The following CCSER2 variants were observed in gnomAD, a reference collection of about 807,000 sequenced individuals.
CCSER2 encodes serine-rich coiled-coil domain-containing protein 2.
Under a neutral mutation model 92.3 loss-of-function variants are expected in CCSER2, and 46 were observed. The ratio of observed to expected loss-of-function variants is 0.50; its 90% CI spans 0.39 to 0.64. The LOEUF (loss-of-function observed/expected upper bound fraction) is 0.64, where lower values mean the gene tolerates loss of function less well. Ranked by LOEUF, CCSER2 falls within the 30% of genes least tolerant of loss-of-function variation. The pLI is 0.00. For missense variants in CCSER2, 1,244 were observed against 1,238.9 expected (o/e 1.00, Z -0.06); for synonymous variants, 433 against 431.4 (o/e 1.00, Z -0.04).
intron 1 of CCSER2, among the ~76,000 whole-genome samples, chr10:84,350,175 A>G (rs1844782581): frequency 6.6e-6 from 1 of 152,186 alleles, no homozygotes; most frequent in African/African-American, 2.4e-5. Context: ...AATAACAAAA[A>G]GTACATCAGA....
At chr10:84,456,589 C>A (rs747081150) in intron 6 of CCSER2, among the ~76,000 whole-genome samples, 1 of 152,078 alleles carries the variant, frequency 6.6e-6, no homozygotes, top group African/African-American at 2.4e-5. Flanking sequence ...TTATTTCTCT[C>A]GGGTAAATAC....
chr10:84,338,657 A>T (rs1249074771), intron 1 of CCSER2, among the ~76,000 whole-genome samples: 2 of 152,212 alleles, frequency 1.3e-5, no homozygotes, highest in East Asian at 3.8e-4. Flanking sequence ...TTGTTATGGT[A>T]GTTTTACCTT....
chr10:84,441,733 AATGTTTT>A (rs1564667352), intron 6 of CCSER2, among the ~76,000 whole-genome samples: 24 of 115,918 alleles, frequency 2.1e-4, no homozygotes, highest in South Asian at 3.1e-4. Flanking sequence ...AGACTGGGAA[AATGTTTT>A]TTTTTTTTTT....
intron 3 of CCSER2, among the ~76,000 whole-genome samples, chr10:84,383,183 G>A (rs1180325260): frequency 6.6e-6 from 1 of 152,136 alleles, no homozygotes; most frequent in Non-Finnish European, 1.5e-5. Context: ...GCCTTACTTG[G>A]TTTTGAGTTT....
chr10:84,474,593 C>A (rs574581184), intron 8 of CCSER2, among the ~76,000 whole-genome samples: 1 of 144,836 alleles, frequency 6.9e-6, no homozygotes, highest in Non-Finnish European at 1.5e-5. Flanking sequence ...CCCGTGAGGC[C>A]GAGGTTGCAG....
intron 9 of CCSER2, chr10:84,499,795 AAAAC>A (rs1485414443): frequency 1.3e-5 from 18 of 1,408,254 alleles, no homozygotes; most frequent in Admixed American, 1.8e-5. Context: ...ATTTAAAAGT[AAAAC>A]AAAGTATGAC....
chr10:84,356,609 TAG>T (rs1476527029), intron 1 of CCSER2, among the ~76,000 whole-genome samples: 1 of 152,166 alleles, frequency 6.6e-6, no homozygotes, highest in African/African-American at 2.4e-5. Context: ...TGGATATGCG[TAG>T]AGATTGAGAT....
chr10:84,416,114 A>G (rs1842876461), intron 3 of CCSER2, among the ~76,000 whole-genome samples: 1 of 152,180 alleles, frequency 6.6e-6, no homozygotes, highest in African/African-American at 2.4e-5. Context: ...TCTGGTTGCA[A>G]AGACCTGTGG....
chr10:84,449,120 A>G (rs1445816339), intron 6 of CCSER2, among the ~76,000 whole-genome samples: 1 of 152,214 alleles, frequency 6.6e-6, no homozygotes, highest in Non-Finnish European at 1.5e-5. Flanking sequence ...CATGCCTGTA[A>G]TCCCAGCAAT....
At chr10:84,360,469 A>G (rs1044672380) in intron 1 of CCSER2, among the ~76,000 whole-genome samples, 1 of 152,228 alleles carries the variant, frequency 6.6e-6, no homozygotes, top group Non-Finnish European at 1.5e-5. Context: ...TTTACTATTT[A>G]TAGGAGTAGA....
rs562775322 is a variant in CCSER2 at position 84,453,739 on chromosome 10, G to C, written c.2065-10194G>C. 1.2e-4 allele frequency among the ~76,000 whole-genome samples: 18 copies of C among 151,922 alleles called. No homozygotes were observed. In the East Asian group the frequency reaches 3.3e-3, roughly 28 times the overall value. On this transcript the variant is annotated intron_variant, in intron 6 of 9. Transcript: ENST00000372088. ...CCTTTTAATGCTGTCCATTTTTGTT[G>C]TAGTATTTTCAGGCTATTGTATCAG...
chr10:84,446,546 G>A (rs558460495), intron 6 of CCSER2, among the ~76,000 whole-genome samples: 3 of 152,218 alleles, frequency 2.0e-5, no homozygotes, highest in South Asian at 4.2e-4. Flanking sequence ...AAGAGCCAGA[G>A]CATGCCTGTT....
intron 3 of CCSER2, among the ~76,000 whole-genome samples, chr10:84,378,415 T>C (rs964373817): frequency 1.3e-5 from 2 of 150,528 alleles, no homozygotes; most frequent in African/African-American, 4.8e-5. Flanking sequence ...TATTTTAAAA[T>C]TATTTTTTAA....
At chr10:84,396,479 G>A (rs1269004802) in intron 3 of CCSER2, among the ~76,000 whole-genome samples, 2 of 151,416 alleles carry the variant, frequency 1.3e-5, no homozygotes, top group African/African-American at 4.9e-5. Flanking sequence ...TCCTTTCAGC[G>A]TGATTGTATT....
intron 6 of CCSER2, among the ~76,000 whole-genome samples, chr10:84,439,781 A>G (rs998757279): frequency 6.6e-6 from 1 of 152,238 alleles, no homozygotes; most frequent in African/African-American, 2.4e-5. Context: ...TGAGGCAGAA[A>G]TAAATTATAT....
chr10:84,436,159 C>T (rs1252882980), intron 5 of CCSER2, among the ~76,000 whole-genome samples: 1 of 149,518 alleles, frequency 6.7e-6, no homozygotes, highest in South Asian at 2.1e-4. Flanking sequence ...ACCCCCGTCT[C>T]TACTAAAAAT....
chr10:84,506,469 T>C (rs1303238610), intron 9 of CCSER2, among the ~76,000 whole-genome samples: 1 of 152,164 alleles, frequency 6.6e-6, no homozygotes, highest in Non-Finnish European at 1.5e-5. Context: ...CAGGTTAAGA[T>C]CAGATTATAC....
chr10:84,424,333 T>C (rs957968672), intron 4 of CCSER2, among the ~76,000 whole-genome samples: 26 of 150,786 alleles, frequency 1.7e-4, no homozygotes, highest in African/African-American at 5.8e-4. Flanking sequence ...CAAATTGAAA[T>C]AAGTTCAAAT....
rs11201063 is a variant in CCSER2 at position 84,489,391 on chromosome 10, C to G, written c.2325+11727C>G. Among the ~76,000 whole-genome samples the G allele has an allele frequency of 2.0e-5, 3 of 152,170 alleles. No homozygotes were observed. The South Asian group carries it at 6.2e-4, about 32-fold the overall frequency. ...GGAGTCAGAGTCTCTTTCTAGGTCTCTAAGGACTTGCTTTATGAATCTGGG... is the reference window on the plus strand; with the variant it reads ...GGAGTCAGAGTCTCTTTCTAGGTCTGTAAGGACTTGCTTTATGAATCTGGG... On this transcript the variant is annotated intron_variant, in intron 9 of 9. Transcript: ENST00000372088.
Sources: allele counts gnomAD v4.1 joint callset (sites outside exome capture counted in the v4.1 genomes callset), GRCh38; gene constraint gnomAD v4.1.1; transcripts MANE v1.5; gene names NCBI Gene and HGNC (gene_info 2026-07-23, HGNC 2026-07-21).